Variants in SAMSN1 observed in about 807,000 individuals in gnomAD.
SAMSN1 encodes SAM domain, SH3 domain and nuclear localization signals 1.
SAMSN1 carries 31 observed loss-of-function variants against 42.0 expected under a neutral mutation model. That is an observed-to-expected ratio of 0.74 (90% CI 0.55 to 1.00). SAMSN1 has a LOEUF of 1.00. Ranked by LOEUF, SAMSN1 falls within the 50% of genes least tolerant of loss-of-function variation. SAMSN1 has a pLI of 0.00. For missense variants in SAMSN1, 464 were observed against 439.4 expected (o/e 1.06, Z -0.50); for synonymous variants, 178 against 151.9 (o/e 1.17, Z -1.26).
At chr21:14,546,121 C>G in intron 1 of SAMSN1, 84 bp downstream of exon 1, 1 of 1,191,802 alleles carries the variant, frequency 8.4e-7, no homozygotes, top group Non-Finnish European at 1.2e-6. Flanking sequence ...CAGATGAGAA[C>G]ATTGTATGTG....
intron 2 of SAMSN1, among the ~76,000 whole-genome samples, chr21:14,570,547 C>T (rs1007822982): frequency 1.3e-5 from 2 of 152,218 alleles, no homozygotes; most frequent in African/African-American, 4.8e-5. Flanking sequence ...CTGCTGTCAT[C>T]TGTGACCATA....
intron 2 of SAMSN1, among the ~76,000 whole-genome samples, chr21:14,632,063 T>C (rs968110532): frequency 6.6e-6 from 1 of 152,198 alleles, no homozygotes. Context: ...AAGACACTGA[T>C]ACAAAACCTG....
intron 5 of SAMSN1, among the ~76,000 whole-genome samples, chr21:14,605,807 G>GATTTATTT (rs567638495): frequency 0.018 from 2,653 of 144,038 alleles, 41 homozygotes; most frequent in African/African-American, 0.027. Context: ...ATGTAAAGAA[G>GATTTATTT]ATTTATTTAT....
intron 1 of SAMSN1, among the ~76,000 whole-genome samples, chr21:14,529,524 T>C (rs984298599): frequency 6.6e-6 from 1 of 152,228 alleles, no homozygotes; most frequent in Non-Finnish European, 1.5e-5. Flanking sequence ...TCATGTAATT[T>C]AACATAAATA....
chr21:14,627,817 G>A (rs767854870), intron 2 of SAMSN1, among the ~76,000 whole-genome samples: 1 of 152,120 alleles, frequency 6.6e-6, no homozygotes, highest in African/African-American at 2.4e-5. Context: ...TTAATAGAAA[G>A]CTATTTCATA....
intron 2 of SAMSN1, among the ~76,000 whole-genome samples, chr21:14,630,958 C>G (rs566004374): frequency 6.6e-6 from 1 of 152,180 alleles, no homozygotes; most frequent in Admixed American, 6.5e-5. Context: ...ACTTGGGAGT[C>G]ACCTACTTTG....
chr21:14,617,088 C>T lies in SAMSN1; in HGVS notation c.157-1072G>A, dbSNP rs550815440. Reference sequence around the variant, plus strand: ...CACTGAAACAGTCAGTCCCTGAACTCGAGGAGCACATATTACCAAGTTTGA... The same window carrying T: ...CACTGAAACAGTCAGTCCCTGAACTTGAGGAGCACATATTACCAAGTTTGA... On this transcript the variant is annotated intron_variant, in intron 2 of 15. Coordinates refer to the SAMSN1 transcript ENST00000647101. 9.9e-5 allele frequency among the ~76,000 whole-genome samples: 15 copies of T among 152,248 alleles called. No individual in the cohort carries two copies. In the South Asian group the frequency reaches 1.7e-3, roughly 17 times the overall value.
intron 3 of SAMSN1, among the ~76,000 whole-genome samples, chr21:14,615,462 C>A (rs921761272): frequency 2.0e-5 from 3 of 152,176 alleles, no homozygotes; most frequent in African/African-American, 7.2e-5. Flanking sequence ...GGCAACCAAT[C>A]TGAAAATTTC....
intron 2 of SAMSN1, among the ~76,000 whole-genome samples, chr21:14,632,624 T>A (rs976150721): frequency 6.6e-6 from 1 of 152,176 alleles, no homozygotes; most frequent in Non-Finnish European, 1.5e-5. Flanking sequence ...CCAAATTTAA[T>A]GGCTTAAAAA....
chr21:14,486,389 T>A (rs372819394), intron 7 of SAMSN1, among the ~76,000 whole-genome samples: 2 of 152,248 alleles, frequency 1.3e-5, no homozygotes, highest in East Asian at 3.9e-4. Context: ...TCAGCAAAGA[T>A]CAATATGGAC....
At position 14,546,181 on chromosome 21, in the gene SAMSN1, T is replaced by A. The variant is rs765382602; in HGVS notation, c.57+24A>T. ...TTCTATTAAATAGTTTGATTTTATTTAACTATGTATGAAATCACCTTACCT... is the reference window on the plus strand; with the variant it reads ...TTCTATTAAATAGTTTGATTTTATTAAACTATGTATGAAATCACCTTACCT... On this transcript the variant is annotated intron_variant, in intron 1 of 7. Transcript: ENST00000400566. 8 of 1,583,576 alleles carry A rather than the reference T, an allele frequency of 5.1e-6. No homozygotes were observed. The South Asian group carries it at 8.9e-5, about 18-fold the overall frequency.
chr21:14,612,851 A>G (rs1410499731), intron 4 of SAMSN1: 3 of 701,546 alleles, frequency 4.3e-6, no homozygotes, highest in Admixed American at 2.1e-5. Context: ...CATCGTTTAC[A>G]CTTGTAACCT....
intron 2 of SAMSN1, among the ~76,000 whole-genome samples, chr21:14,552,741 A>T (rs1199254671): frequency 6.6e-6 from 1 of 152,140 alleles, no homozygotes; most frequent in Non-Finnish European, 1.5e-5. Context: ...TACCATAAGC[A>T]CATTCCATTT....
chr21:14,506,081 A>G (rs1987387604), intron 5 of SAMSN1, among the ~76,000 whole-genome samples: 2 of 152,070 alleles, frequency 1.3e-5, no homozygotes, highest in South Asian at 4.1e-4. Context: ...GGGGGTGCTA[A>G]GGGGAAAGTG....
upstream of SAMSN1, chr21:14,546,439 ACAGTAATT>A (rs1980398140): frequency 1.9e-6 from 2 of 1,041,000 alleles, no homozygotes; most frequent in East Asian, 5.8e-5. Context: ...TTTTTTTCTT[ACAGTAATT>A]CTTTGGTAAC....
chr21:14,647,022 A>T (rs1257056298), intron 1 of SAMSN1, among the ~76,000 whole-genome samples: 1 of 152,194 alleles, frequency 6.6e-6, no homozygotes, highest in Non-Finnish European at 1.5e-5. Flanking sequence ...AGACCATAAA[A>T]CAACCCGAAA....
intron 1 of SAMSN1, among the ~76,000 whole-genome samples, chr21:14,535,004 T>C (rs1296099181): frequency 2.0e-5 from 3 of 152,064 alleles, no homozygotes; most frequent in Admixed American, 6.5e-5. Flanking sequence ...TAAGAATTCA[T>C]GAGTTGGAAA....
intron 2 of SAMSN1, among the ~76,000 whole-genome samples, chr21:14,634,143 C>T (rs553043804): frequency 6.6e-6 from 1 of 151,660 alleles, no homozygotes; most frequent in African/African-American, 2.4e-5. Flanking sequence ...CTTCCTTATA[C>T]CTTATACAAA....
chr21:14,605,903 G>A (rs1042595878), intron 5 of SAMSN1, among the ~76,000 whole-genome samples: 7 of 151,018 alleles, frequency 4.6e-5, no homozygotes, highest in South Asian at 2.1e-4. Flanking sequence ...GTGCAGTGGC[G>A]CGATCTGGGT....
Sources: gnomAD v4.1 joint callset for allele counts (sites outside exome capture counted in the v4.1 genomes callset) on GRCh38, gnomAD v4.1.1 for gene constraint, MANE v1.5 for transcripts, NCBI Gene and HGNC (gene_info 2026-07-23, HGNC 2026-07-21) for gene names.